TRIM2: variants seen among roughly 807,000 people sequenced by gnomAD.
The protein encoded by TRIM2 is tripartite motif containing 2.
A neutral mutation model predicts 75.2 loss-of-function variants in TRIM2; 20 were observed. The ratio of observed to expected loss-of-function variants is 0.27; its 90% CI spans 0.19 to 0.39. The LOEUF is 0.39. TRIM2 is among the 10% of genes least tolerant of loss of function. The pLI is 1.00. For synonymous variants in TRIM2, 373 were observed against 388.3 expected, an observed-to-expected ratio of 0.96 and a Z score of 0.46; for missense variants, 660 against 990.8, an observed-to-expected ratio of 0.67 and a Z score of 4.48.
At chr4:153,287,545 C>T (rs1347816395) in intron 3 of TRIM2, among the ~76,000 whole-genome samples, 2 of 152,050 alleles carry the variant, frequency 1.3e-5, no homozygotes, top group African/African-American at 4.8e-5. Flanking sequence ...TAGATATTTT[C>T]TAGTGAACCA....
intron 1 of TRIM2, among the ~76,000 whole-genome samples, chr4:153,229,257 C>T (rs923897980): frequency 1.3e-5 from 2 of 151,906 alleles, no homozygotes; most frequent in Non-Finnish European, 2.9e-5. Flanking sequence ...TTTTTTGTTT[C>T]GTTTTGACTT....
chr4:153,157,021 A>G (rs373562624), intron 1 of TRIM2: 7 of 152,116 alleles, frequency 4.6e-5, no homozygotes, highest in African/African-American at 1.7e-4. Flanking sequence ...CTTCTTTCCC[A>G]ATGATGAGGC....
chr4:153,199,678 C>G (rs1734124693), upstream of TRIM2, among the ~76,000 whole-genome samples: 1 of 152,138 alleles, frequency 6.6e-6, no homozygotes, highest in African/African-American at 2.4e-5. Context: ...ACCCACCTGC[C>G]TCACAGTGCC....
intron 1 of TRIM2, among the ~76,000 whole-genome samples, chr4:153,207,399 C>T (rs1162656472): frequency 6.6e-6 from 1 of 152,184 alleles, no homozygotes; most frequent in Non-Finnish European, 1.5e-5. Context: ...TCCAGCCTCA[C>T]TTTCGTTGTT....
chr4:153,334,175 C>T (rs1182539481), intron 11 of TRIM2, among the ~76,000 whole-genome samples: 13 of 151,964 alleles, frequency 8.6e-5, no homozygotes, highest in African/African-American at 2.9e-4. Context: ...ATCTAGGGCC[C>T]TTCCCACCCA....
At chr4:153,244,439 T>TCTTCTTCTTCTTCTTCTTCTTTC (rs1560876034) in intron 1 of TRIM2, among the ~76,000 whole-genome samples, 4 of 104,210 alleles carry the variant, frequency 3.8e-5, no homozygotes, top group African/African-American at 1.6e-4. Context: ...CTTCTTCTTT[T>TCTTCTTCTTCTTCTTCTTCTTTC]AATTAGAGAG....
chr4:153,163,798 A>G (rs374629935), intron 1 of TRIM2, among the ~76,000 whole-genome samples: 1,098 of 126,360 alleles, frequency 8.7e-3, no homozygotes, highest in East Asian at 0.023. Context: ...CACCGTGCTC[A>G]GCCGATTTAC....
intron 1 of TRIM2, among the ~76,000 whole-genome samples, chr4:153,195,773 T>G (rs1025390611): frequency 1.3e-5 from 2 of 152,190 alleles, no homozygotes; most frequent in African/African-American, 4.8e-5. Flanking sequence ...CTCTTAGTAT[T>G]TCACCATTTC....
intron 1 of TRIM2, among the ~76,000 whole-genome samples, chr4:153,155,165 G>A (rs1395448167): frequency 1.3e-5 from 2 of 152,112 alleles, no homozygotes; most frequent in African/African-American, 4.8e-5. Flanking sequence ...AAGAAAAAAT[G>A]TGTCCCAAAT....
intron 10 of TRIM2, among the ~76,000 whole-genome samples, chr4:153,325,363 A>G (rs956250191): frequency 6.6e-6 from 1 of 152,166 alleles, no homozygotes; most frequent in African/African-American, 2.4e-5. Context: ...AGATGCTCAC[A>G]TGGTGGCATA....
chr4:153,223,142 C>T (rs753981690), intron 1 of TRIM2: 1 of 151,754 alleles, frequency 6.6e-6, no homozygotes, highest in Non-Finnish European at 1.5e-5. Context: ...TCCGGACGGG[C>T]GCTGCGGGGC....
At chr4:153,255,711 A>G (rs999452126) in intron 1 of TRIM2, among the ~76,000 whole-genome samples, 1 of 152,250 alleles carries the variant, frequency 6.6e-6, no homozygotes, top group Non-Finnish European at 1.5e-5. Context: ...GTGTCCATCG[A>G]CTGATGAACA....
chr4:153,320,400 G>C (rs527486873), intron 8 of TRIM2, among the ~76,000 whole-genome samples: 2 of 152,172 alleles, frequency 1.3e-5, no homozygotes, highest in South Asian at 4.1e-4. Flanking sequence ...ATACATATGT[G>C]GTTCACATTA....
At chr4:153,282,549 A>C (rs2150089373) in intron 3 of TRIM2, among the ~76,000 whole-genome samples, 1 of 152,310 alleles carries the variant, frequency 6.6e-6, no homozygotes, top group East Asian at 1.9e-4. Flanking sequence ...TAAATACATA[A>C]ATACAAGATA....
chr4:153,206,409 G>A (rs1735450759), intron 1 of TRIM2, among the ~76,000 whole-genome samples: 1 of 152,178 alleles, frequency 6.6e-6, no homozygotes, highest in African/African-American at 2.4e-5. Context: ...AACTCAGGGA[G>A]ACACTTAATT....
At chr4:153,154,739 A>C (rs1190243644) in intron 1 of TRIM2, among the ~76,000 whole-genome samples, 1 of 152,256 alleles carries the variant, frequency 6.6e-6, no homozygotes, top group Non-Finnish European at 1.5e-5. Flanking sequence ...CATGGTGTCC[A>C]TATGGACACA....
chr4:153,297,235 G>C (rs1344996903), intron 6 of TRIM2, among the ~76,000 whole-genome samples: 1 of 152,176 alleles, frequency 6.6e-6, no homozygotes, highest in African/African-American at 2.4e-5. Context: ...TCAGAGCATG[G>C]AAGCCCTCAT....
chr4:153,246,297 G>A (rs1749119081), intron 1 of TRIM2, among the ~76,000 whole-genome samples: 1 of 152,114 alleles, frequency 6.6e-6, no homozygotes, highest in Non-Finnish European at 1.5e-5. Context: ...GGTAAGAGAG[G>A]TGGTGTAATT....
chr4:153,223,736 C>T (rs940637331), intron 1 of TRIM2, among the ~76,000 whole-genome samples: 16 of 152,210 alleles, frequency 1.1e-4, no homozygotes, highest in African/African-American at 3.9e-4. Context: ...CATGGAGCAA[C>T]TGATGCCTTC....
Sources: gnomAD v4.1 joint callset for allele counts (sites outside exome capture counted in the v4.1 genomes callset) on GRCh38, gnomAD v4.1.1 for gene constraint, MANE v1.5 for transcripts, NCBI Gene and HGNC (gene_info 2026-07-23, HGNC 2026-07-21) for gene names.